Variants in NHERF4 observed in about 807,000 individuals in gnomAD.
NHERF4 encodes NHERF family PDZ scaffold protein 4.
At chr11:119,187,932 C>A in the NHERF4 span, 1 of 1,546,286 alleles carries the variant, frequency 6.5e-7, no homozygotes, top group Non-Finnish European at 8.7e-7. Context: ...CCTGCTGGGT[C>A]CCCACAGCTT....
the NHERF4 span, chr11:119,186,235 C>A: frequency 8.2e-5 from 133 of 1,613,984 alleles, 1 homozygote; most frequent in Non-Finnish European, 1.1e-4. The surrounding 1 kb of genome is among the most constrained non-coding windows in gnomAD (Gnocchi z 4.4). Context: ...GGCCTCCGAT[C>A]TCCTTGGTAA....
chr11:119,187,174 C>T, the NHERF4 span: 2 of 987,508 alleles, frequency 2.0e-6, no homozygotes, highest in African/African-American at 1.7e-5. Context: ...AGAAAAAAAG[C>T]CGATTCCCTT....
At chr11:119,187,121 C>T in the NHERF4 span, 1 of 607,790 alleles carries the variant, frequency 1.6e-6, no homozygotes, top group South Asian at 2.5e-5. Flanking sequence ...ACCTGGGCGA[C>T]AAGAGCAAAA....
chr11:119,187,521 G>T, the NHERF4 span: 1 of 1,612,908 alleles, frequency 6.2e-7, no homozygotes, highest in Non-Finnish European at 8.5e-7. Context: ...GTTCAGGGCA[G>T]GCAGGAAACA....
the NHERF4 span, chr11:119,186,497 G>T: frequency 6.2e-7 from 1 of 1,614,102 alleles, no homozygotes; most frequent in Non-Finnish European, 8.5e-7. The surrounding 1 kb of genome is among the most constrained non-coding windows in gnomAD (Gnocchi z 4.4). Flanking sequence ...AGCCTGGAGC[G>T]GCCTCGCTTC....
chr11:119,185,613 T>C, the NHERF4 span: 1 of 1,166,234 alleles, frequency 8.6e-7, no homozygotes, highest in Non-Finnish European at 1.3e-6. Flanking sequence ...TTTTGGGGCT[T>C]GGAGCCCTGA....
the NHERF4 span, chr11:119,187,516 G>A: frequency 6.2e-7 from 1 of 1,613,038 alleles, no homozygotes; most frequent in Non-Finnish European, 8.5e-7. Context: ...CCCCTGTTCA[G>A]GGCAGGCAGG....
At chr11:119,187,761 G>T in the NHERF4 span, 1 of 1,465,458 alleles carries the variant, frequency 6.8e-7, no homozygotes, top group Non-Finnish European at 9.0e-7. Flanking sequence ...ACCTCGGGAA[G>T]ACGCCTCCTT....
the NHERF4 span, chr11:119,186,222 C>T: frequency 6.8e-6 from 11 of 1,614,150 alleles, no homozygotes; most frequent in East Asian, 2.2e-5. The surrounding 1 kb of genome is among the most constrained non-coding windows in gnomAD (Gnocchi z 4.4). Flanking sequence ...CACGGCTCCA[C>T]ACGGCCTCCG....
the NHERF4 span, among the ~76,000 whole-genome samples, chr11:119,186,965 C>T: frequency 8.7e-3 from 1,321 of 152,016 alleles, 26 homozygotes; most frequent in African/African-American, 0.03. The surrounding 1 kb of genome is among the most constrained non-coding windows in gnomAD (Gnocchi z 4.4). Flanking sequence ...ATGGCAAGAC[C>T]CTGTCTCTAC....
the NHERF4 span, chr11:119,189,488 T>C: frequency 6.2e-6 from 10 of 1,614,118 alleles, no homozygotes; most frequent in East Asian, 4.5e-5. This position sits in a 1 kb window ranked among gnomAD's most constrained non-coding sequence, Gnocchi z 5.8. Flanking sequence ...TCGGATCTAC[T>C]GTAGAGCACC....
the NHERF4 span, chr11:119,188,698 G>A: frequency 4.3e-6 from 7 of 1,614,192 alleles, no homozygotes; most frequent in Non-Finnish European, 5.9e-6. Flanking sequence ...TCGCCCCGGG[G>A]CAGCAGCTCA....
At chr11:119,185,666 C>A in the NHERF4 span, 1 of 784,666 alleles carries the variant, frequency 1.3e-6, no homozygotes, top group Non-Finnish European at 2.2e-6. Context: ...GTTGATATGT[C>A]TGTCTTCCTG....
the NHERF4 span, chr11:119,189,996 G>GAAGGGACCAA: frequency 3.3e-5 from 13 of 399,656 alleles, no homozygotes; most frequent in African/African-American, 2.6e-4. This position sits in a 1 kb window ranked among gnomAD's most constrained non-coding sequence, Gnocchi z 5.8. Flanking sequence ...GCAGTGGTGT[G>GAAGGGACCAA]AAGGGACCAA....
chr11:119,187,118 C>T, the NHERF4 span: 31 of 633,494 alleles, frequency 4.9e-5, no homozygotes, highest in East Asian at 3.0e-5. Context: ...CCAACCTGGG[C>T]GACAAGAGCA....
chr11:119,186,441 TCTCCTCC>T, the NHERF4 span: 2 of 1,610,068 alleles, frequency 1.2e-6, no homozygotes, highest in Admixed American at 3.3e-5. The surrounding 1 kb of genome is among the most constrained non-coding windows in gnomAD (Gnocchi z 4.4). Context: ...GGCTGTGCCC[TCTCCTCC>T]CCCTTTTCTG....
chr11:119,187,774 C>G, the NHERF4 span: 1 of 1,463,194 alleles, frequency 6.8e-7, no homozygotes, highest in Non-Finnish European at 9.0e-7. Context: ...GCCTCCTTCC[C>G]CATGCGCCTA....
chr11:119,187,471 G>C, the NHERF4 span: 1 of 1,613,874 alleles, frequency 6.2e-7, no homozygotes, highest in African/African-American at 1.3e-5. Context: ...TGAGCCCAGA[G>C]GGTGCGAGGG....
At chr11:119,186,185 GC>G in the NHERF4 span, 3 of 1,613,966 alleles carry the variant, frequency 1.9e-6, no homozygotes, top group African/African-American at 4.0e-5. This position sits in a 1 kb window ranked among gnomAD's most constrained non-coding sequence, Gnocchi z 4.4. Context: ...TCACCCCCTG[GC>G]AACCATTCCC....
Sources: allele counts gnomAD v4.1 joint callset (sites outside exome capture counted in the v4.1 genomes callset), GRCh38; gene constraint gnomAD v4.1.1; non-coding constraint Gnocchi (gnomAD v3.1); transcripts MANE v1.5; gene names NCBI Gene and HGNC (gene_info 2026-07-23, HGNC 2026-07-21).